TANC2: variants seen among roughly 807,000 people sequenced by gnomAD.
TANC2 encodes the protein tetratricopeptide repeat, ankyrin repeat and coiled-coil containing 2.
Under a neutral mutation model 210.5 loss-of-function variants are expected in TANC2, and 26 were observed. The ratio of observed to expected loss-of-function variants is 0.12; its 90% CI spans 0.09 to 0.17. TANC2 has a LOEUF of 0.17. Among genes scored for constraint, TANC2 ranks in the 10% least tolerant of loss-of-function variants. The pLI is 1.00. For missense variants in TANC2, 2,129 were observed against 2,608.9 expected (o/e 0.82, Z 4.01); for synonymous variants, 931 against 967.1 (o/e 0.96, Z 0.69).
chr17:63,066,734 AT>A (rs1261006743), intron 2 of TANC2, among the ~76,000 whole-genome samples: 2 of 152,160 alleles, frequency 1.3e-5, no homozygotes, highest in Non-Finnish European at 2.9e-5. Flanking sequence ...TCTTTAGATT[AT>A]TAATGAAAGC....
At chr17:63,298,421 C>A (rs2044604973) in intron 9 of TANC2, among the ~76,000 whole-genome samples, 1 of 152,052 alleles carries the variant, frequency 6.6e-6, no homozygotes, top group African/African-American at 2.4e-5. Context: ...TTGAATTATG[C>A]TAAGTGAGAG....
chr17:63,061,558 C>G (rs2035997501), intron 2 of TANC2, among the ~76,000 whole-genome samples: 1 of 151,868 alleles, frequency 6.6e-6, no homozygotes, highest in South Asian at 2.1e-4. Flanking sequence ...TGTGTTTATC[C>G]TTCCATGTAT....
intron 1 of TANC2, among the ~76,000 whole-genome samples, chr17:63,001,561 T>C (rs1183958764): frequency 6.6e-6 from 1 of 151,214 alleles, no homozygotes; most frequent in Non-Finnish European, 1.5e-5. Context: ...TTCTTTCTTT[T>C]TTTTTTTCCA....
chr17:63,248,981 G>A (rs1490321326), intron 8 of TANC2, among the ~76,000 whole-genome samples: 1 of 152,092 alleles, frequency 6.6e-6, no homozygotes, highest in Non-Finnish European at 1.5e-5. Context: ...TAAAATAGAA[G>A]TTTGACTAAT....
intron 14 of TANC2, among the ~76,000 whole-genome samples, chr17:63,361,743 A>C (rs1221935392): frequency 6.6e-6 from 1 of 152,226 alleles, no homozygotes; most frequent in African/African-American, 2.4e-5. Flanking sequence ...GCCATTCAGC[A>C]GGTCCTGAGG....
intron 10 of TANC2, among the ~76,000 whole-genome samples, chr17:63,316,656 G>A (rs1436903687): frequency 6.6e-6 from 1 of 152,152 alleles, no homozygotes; most frequent in Non-Finnish European, 1.5e-5. Context: ...AGTTAAGAGA[G>A]CTAAATATGC....
chr17:63,115,711 A>G (rs1310964887), intron 4 of TANC2, among the ~76,000 whole-genome samples: 2 of 152,208 alleles, frequency 1.3e-5, no homozygotes, highest in Admixed American at 6.5e-5. Flanking sequence ...CTTAGATACT[A>G]TTAAAAAAGA....
Position 63,406,535 on chromosome 17 carries a change from T to G in TANC2, c.3589+258T>G, listed in dbSNP as rs188330332. Among the ~76,000 whole-genome samples the G allele has an allele frequency of 2.0e-5, 3 of 152,304 alleles. No individual in the cohort carries two copies. The East Asian group carries it at 5.8e-4, about 29-fold the overall frequency. On this transcript the variant is annotated intron_variant, in intron 21 of 27. Coordinates refer to ENST00000689528, the Ensembl canonical transcript of TANC2. The stretch of plus-strand genomic sequence containing the variant: ...CATTCAGATCAGTAGTCTCCAAACT[T>G]TGATTTTTTAAAAATATATACTCAA...
At chr17:63,197,996 C>T (rs2041402186) in intron 6 of TANC2, among the ~76,000 whole-genome samples, 1 of 152,172 alleles carries the variant, frequency 6.6e-6, no homozygotes, top group Non-Finnish European at 1.5e-5. Flanking sequence ...TTAAGATACA[C>T]ATTCTCTGAT....
chr17:63,168,528 T>C (rs777807970), intron 5 of TANC2, among the ~76,000 whole-genome samples: 1 of 152,230 alleles, frequency 6.6e-6, no homozygotes, highest in African/African-American at 2.4e-5. Context: ...CCAACTTACA[T>C]TTAATTTTAA....
intron 2 of TANC2, among the ~76,000 whole-genome samples, chr17:63,031,191 G>A (rs956993820): frequency 1.3e-5 from 2 of 151,968 alleles, no homozygotes; most frequent in African/African-American, 2.4e-5. Context: ...AGGAGTGGAT[G>A]GGAGATTTGC....
intron 8 of TANC2, among the ~76,000 whole-genome samples, chr17:63,253,615 G>T (rs948389358): frequency 1.3e-5 from 2 of 151,876 alleles, no homozygotes; most frequent in Non-Finnish European, 1.5e-5. Context: ...TTTGATTTTT[G>T]GTTTTGGGTT....
chr17:63,095,202 G>T (rs2144849981), intron 3 of TANC2, among the ~76,000 whole-genome samples: 1 of 152,080 alleles, frequency 6.6e-6, no homozygotes, highest in Non-Finnish European at 1.5e-5. Context: ...TAGAGACAGG[G>T]TCTTACTCTG....
chr17:63,399,493 A>T (rs1024608581), intron 19 of TANC2, among the ~76,000 whole-genome samples: 1 of 152,224 alleles, frequency 6.6e-6, no homozygotes, highest in African/African-American at 2.4e-5. Context: ...ATCGTTCGGT[A>T]CAATGCAAAC....
At chr17:63,210,646 A>G (rs1275051877) in intron 7 of TANC2, among the ~76,000 whole-genome samples, 1 of 152,212 alleles carries the variant, frequency 6.6e-6, no homozygotes, top group Non-Finnish European at 1.5e-5. Flanking sequence ...AGTAAATAAC[A>G]TAGAGCAACA....
At chr17:63,397,280 A>AAAAC (rs200319665) in intron 18 of TANC2, among the ~76,000 whole-genome samples, 1 of 151,802 alleles carries the variant, frequency 6.6e-6, no homozygotes, top group Non-Finnish European at 1.5e-5. Context: ...ATCTCAAAAA[A>AAAAC]AAACAAACAA....
At chr17:63,233,126 A>T (rs1172364393) in intron 7 of TANC2, among the ~76,000 whole-genome samples, 1 of 152,192 alleles carries the variant, frequency 6.6e-6, no homozygotes, top group Non-Finnish European at 1.5e-5. Flanking sequence ...AAAACAGCAG[A>T]CTGGAGCTGC....
At chr17:63,274,071 G>T (rs1011474324) in intron 9 of TANC2, among the ~76,000 whole-genome samples, 1 of 152,140 alleles carries the variant, frequency 6.6e-6, no homozygotes, top group African/African-American at 2.4e-5. Context: ...AACAATACAG[G>T]CATAATTAAT....
At chr17:63,127,650 C>T (rs1204884445) in intron 4 of TANC2, among the ~76,000 whole-genome samples, 1 of 152,176 alleles carries the variant, frequency 6.6e-6, no homozygotes, top group Non-Finnish European at 1.5e-5. Context: ...TCTCATTAGT[C>T]ACCATAAGAA....
Sources: gnomAD v4.1 joint callset for allele counts (sites outside exome capture counted in the v4.1 genomes callset) on GRCh38, gnomAD v4.1.1 for gene constraint, MANE v1.5 for transcripts, NCBI Gene and HGNC (gene_info 2026-07-23, HGNC 2026-07-21) for gene names.